The following ANKFN1 variants were observed in gnomAD, a reference collection of about 807,000 sequenced individuals.
ANKFN1 encodes ankyrin repeat and fibronectin type-III domain-containing protein 1.
In ANKFN1, 74 loss-of-function variants were observed where a neutral mutation model predicts 108.7. The observed-to-expected ratio is 0.68, with a 90% confidence interval of 0.56 to 0.83. ANKFN1 has a LOEUF of 0.83. Among genes scored for constraint, ANKFN1 ranks in the 40% least tolerant of loss-of-function variants. The pLI, the probability that ANKFN1 is intolerant of heterozygous loss-of-function variation, is 0.00. For synonymous variants in ANKFN1, 547 were observed against 516.2 expected, an observed-to-expected ratio of 1.06 and a Z score of -0.81; for missense variants, 1,505 against 1,382.3, an observed-to-expected ratio of 1.09 and a Z score of -1.41.
At chr17:56,222,757 T>G (rs1477661500) in intron 2 of ANKFN1, among the ~76,000 whole-genome samples, 5 of 152,222 alleles carry the variant, frequency 3.3e-5, no homozygotes, top group African/African-American at 1.2e-4. Context: ...CACATCTTAT[T>G]GTTGATAGAG....
chr17:56,508,111 CACAGCCTGA>C (rs1452406425), intron 20 of ANKFN1, among the ~76,000 whole-genome samples: 1 of 152,208 alleles, frequency 6.6e-6, no homozygotes, highest in African/African-American at 2.4e-5. Flanking sequence ...TGCTTAGCCC[CACAGCCTGA>C]ACAAGGTAAA....
At chr17:56,068,311 G>A (rs575750426) in intron 4 of ANKFN1, among the ~76,000 whole-genome samples, 2 of 152,268 alleles carry the variant, frequency 1.3e-5, no homozygotes, top group East Asian at 1.9e-4. Context: ...GGTGTGGGCC[G>A]TGTTAAGAGA....
chr17:56,323,123 G>C (rs1023394490), intron 3 of ANKFN1: 9 of 152,152 alleles, frequency 5.9e-5, no homozygotes, highest in Non-Finnish European at 1.0e-4. Flanking sequence ...ATAACTGTGG[G>C]GGTGGAATTG....
intron 3 of ANKFN1, among the ~76,000 whole-genome samples, chr17:56,302,530 A>AG (rs1339174990): frequency 6.6e-5 from 10 of 151,722 alleles, no homozygotes; most frequent in Admixed American, 5.3e-4. Context: ...AAAAAAAAAA[A>AG]AAAGAGAGAG....
intron 3 of ANKFN1, among the ~76,000 whole-genome samples, chr17:56,303,829 T>G (rs1022698427): frequency 1.3e-5 from 2 of 149,630 alleles, no homozygotes; most frequent in Non-Finnish European, 3.0e-5. Flanking sequence ...GGATTACAGG[T>G]GCACACCACC....
intron 4 of ANKFN1, among the ~76,000 whole-genome samples, chr17:56,071,167 C>G (rs1277462807): frequency 6.6e-6 from 1 of 152,202 alleles, no homozygotes; most frequent in Non-Finnish European, 1.5e-5. Context: ...ACCACCAACA[C>G]CTCACAAAAG....
chr17:56,351,102 G>C, intron 5 of ANKFN1, 135 bp downstream of exon 5: 1 of 817,542 alleles, frequency 1.2e-6, no homozygotes, highest in Non-Finnish European at 1.9e-6. Flanking sequence ...ATAGATTCAG[G>C]TAGGGTAGTA....
chr17:56,393,387 C>T (rs561617268), intron 8 of ANKFN1, among the ~76,000 whole-genome samples: 1 of 152,196 alleles, frequency 6.6e-6, no homozygotes, highest in African/African-American at 2.4e-5. Context: ...ACAGAACCAG[C>T]CACTTACATC....
intron 20 of ANKFN1, among the ~76,000 whole-genome samples, chr17:56,506,186 A>C (rs1374868270): frequency 2.0e-5 from 3 of 151,982 alleles, no homozygotes; most frequent in Admixed American, 1.3e-4. Flanking sequence ...TATATTAGTT[A>C]TATCTCCTGA....
chr17:56,317,650 C>T (rs1187144701), intron 3 of ANKFN1, among the ~76,000 whole-genome samples: 2 of 152,138 alleles, frequency 1.3e-5, no homozygotes, highest in East Asian at 3.9e-4. Context: ...CCACATACTC[C>T]TAAGGGTATC....
At position 56,227,918 on chromosome 17, in the gene ANKFN1, G is replaced by A. The variant is rs1420779715; in HGVS notation, c.14G>A (p.Arg5Lys). The A allele has an allele frequency of 6.9e-6, 11 of 1,602,976 alleles. No homozygotes were observed. The Admixed American group carries it at 8.6e-5, about 13-fold the overall frequency. The stretch of plus-strand genomic sequence containing the variant: ...TCTTTTTTTCTTTCTTTGTTTCAGA[G>A]GCTACTCTTTAAAGACAGGCATTTT... MNEK[R>K]LLFKDRHFTC... Residue 5 changes from arginine (R) to lysine (K), a missense_variant and splice_region_variant, in exon 3 of 21, where the codon AGG becomes AAG. By Grantham distance (26) the Arg-to-Lys change is conservative. Transcript: ENST00000682825.
intron 3 of ANKFN1, among the ~76,000 whole-genome samples, chr17:56,303,851 A>ATTTTTT (rs34077118): frequency 0.015 from 1,918 of 131,838 alleles, 41 homozygotes; most frequent in African/African-American, 0.049. Flanking sequence ...CGCTGAGCCA[A>ATTTTTT]TTTTTTTTTT....
intron 6 of ANKFN1, among the ~76,000 whole-genome samples, chr17:56,358,201 C>T (rs1441076465): frequency 1.3e-5 from 2 of 152,156 alleles, no homozygotes; most frequent in African/African-American, 4.8e-5. Flanking sequence ...TCTGTGTATT[C>T]TCTTCTGAAA....
At chr17:56,214,286 A>G (rs1438480587) in intron 2 of ANKFN1, among the ~76,000 whole-genome samples, 1 of 152,220 alleles carries the variant, frequency 6.6e-6, no homozygotes, top group African/African-American at 2.4e-5. Flanking sequence ...ATAAGAATAC[A>G]TCCAAGATAC....
At chr17:56,391,397 TGTGTG>T (rs2047433567) in intron 8 of ANKFN1, among the ~76,000 whole-genome samples, 1 of 145,980 alleles carries the variant, frequency 6.9e-6, no homozygotes, top group African/African-American at 2.5e-5. Context: ...TGTGTGTGTG[TGTGTG>T]TGTGTGTGTA....
rs150887677 is a variant in ANKFN1 at position 56,167,724 on chromosome 17, C to T, written c.-71+14194C>T. Among the ~76,000 whole-genome samples the T allele has an allele frequency of 1.5e-4, 23 of 152,304 alleles. No individual in the cohort carries two copies. The Middle Eastern group carries it at 0.02, about 135-fold the overall frequency. ...GGAAGCTCTGCACCATGTAGTCACT[C>T]AGGGACCTAGGCTGATGGAGGCTTC... is the stretch of plus-strand genomic sequence containing the variant. On this transcript the variant is annotated intron_variant, in intron 1 of 20. Coordinates refer to ENST00000682825, the MANE Select transcript of ANKFN1 (RefSeq NM_001370326.1).
intron 13 of ANKFN1, 51 bp from the exon 14 acceptor site, chr17:56,457,812 A>T: frequency 7.2e-7 from 1 of 1,397,298 alleles, no homozygotes; most frequent in South Asian, 1.2e-5. Context: ...GCCACAACCT[A>T]AATCATGTAC....
intron 6 of ANKFN1, among the ~76,000 whole-genome samples, chr17:56,358,564 C>CT (rs2046432634): frequency 1.3e-5 from 2 of 152,304 alleles, no homozygotes; most frequent in South Asian, 4.1e-4. Context: ...TATTCAATGA[C>CT]TTTTTTCTGT....
chr17:56,154,642 CAAAA>C, intron 1 of ANKFN1, among the ~76,000 whole-genome samples: 1 of 134,094 alleles, frequency 7.5e-6, no homozygotes, highest in African/African-American at 2.8e-5. Context: ...ATGCCAACAC[CAAAA>C]AAAAAAAAAA....
Sources: allele counts gnomAD v4.1 joint callset (sites outside exome capture counted in the v4.1 genomes callset), GRCh38; gene constraint gnomAD v4.1.1; transcripts MANE v1.5; gene names NCBI Gene and HGNC (gene_info 2026-07-23, HGNC 2026-07-21).